RELN: variants seen among roughly 807,000 people sequenced by gnomAD.
RELN encodes reelin.
A neutral mutation model predicts 427.6 loss-of-function variants in RELN; 108 were observed. That is an observed-to-expected ratio of 0.25 (90% confidence interval 0.22 to 0.30). RELN has a LOEUF of 0.30. Ranked by LOEUF, RELN falls within the 10% of genes least tolerant of loss-of-function variation. The pLI is 1.00. For synonymous variants in RELN, 1,524 were observed against 1,513.4 expected, an observed-to-expected ratio of 1.01 and a Z score of -0.16; for missense variants, 3,715 against 4,302.8, an observed-to-expected ratio of 0.86 and a Z score of 3.82.
chr7:103,677,369 C>T (rs924715162), intron 11 of RELN, among the ~76,000 whole-genome samples: 1 of 142,014 alleles, frequency 7.0e-6, no homozygotes, highest in African/African-American at 2.6e-5. Flanking sequence ...ATGTAACAAA[C>T]CTGCACGTTC....
intron 2 of RELN, among the ~76,000 whole-genome samples, chr7:103,856,303 C>T (rs13232747): frequency 0.14 from 21,768 of 151,710 alleles, 1,860 homozygotes; most frequent in East Asian, 0.34. Context: ...ATGGGCTGGG[C>T]GCGGTGGCTC....
At chr7:103,637,704 T>A (rs1408724970) in intron 17 of RELN, among the ~76,000 whole-genome samples, 1 of 152,202 alleles carries the variant, frequency 6.6e-6, no homozygotes, top group Non-Finnish European at 1.5e-5. Context: ...TCACATGTTG[T>A]CTAATGGACT....
chr7:103,622,251 A>G (rs1451158842), intron 20 of RELN, among the ~76,000 whole-genome samples: 1 of 152,216 alleles, frequency 6.6e-6, no homozygotes, highest in Non-Finnish European at 1.5e-5. Context: ...GGACATCAAC[A>G]TGGCATAAGT....
At chr7:103,760,579 A>G (rs1401305157) in intron 4 of RELN, among the ~76,000 whole-genome samples, 2 of 152,130 alleles carry the variant, frequency 1.3e-5, no homozygotes, top group Non-Finnish European at 2.9e-5. Flanking sequence ...AGATGCCTGA[A>G]AATGAATTCA....
chr7:103,624,773 C>T (rs186561941), intron 20 of RELN, among the ~76,000 whole-genome samples: 1 of 151,864 alleles, frequency 6.6e-6, no homozygotes, highest in Non-Finnish European at 1.5e-5. Flanking sequence ...TCATGTTGCT[C>T]TTTTACTTTC....
At chr7:103,769,569 C>T (rs937004807) in intron 4 of RELN, among the ~76,000 whole-genome samples, 18 of 152,176 alleles carry the variant, frequency 1.2e-4, no homozygotes, top group African/African-American at 3.4e-4. Flanking sequence ...AGACAATCCA[C>T]TTCTGTATGA....
intron 1 of RELN, among the ~76,000 whole-genome samples, chr7:103,924,256 T>A (rs1469852364): frequency 6.6e-6 from 1 of 152,180 alleles, no homozygotes; most frequent in Non-Finnish European, 1.5e-5. Flanking sequence ...GCTGTACTAA[T>A]TATTATTACA....
intron 42 of RELN, 102 bp downstream of exon 42, chr7:103,545,022 G>A: frequency 2.4e-6 from 2 of 819,410 alleles, no homozygotes; most frequent in Non-Finnish European, 2.1e-6. Flanking sequence ...AAATAATAAT[G>A]AGATATTAGA....
intron 15 of RELN, 114 bp downstream of exon 15, chr7:103,651,547 G>C: frequency 1.0e-6 from 1 of 968,994 alleles, no homozygotes; most frequent in Non-Finnish European, 1.6e-6. Flanking sequence ...CACTTTTAAA[G>C]AGGTTAGGTT....
chr7:103,739,337 C>T (rs527579821), intron 6 of RELN, among the ~76,000 whole-genome samples: 14 of 152,202 alleles, frequency 9.2e-5, no homozygotes, highest in Non-Finnish European at 1.9e-4. Context: ...TGGTCCCTTA[C>T]ATTCTTCTGA....
chr7:103,904,667 GAAAGA>G (rs1795156750), intron 2 of RELN, among the ~76,000 whole-genome samples: 1 of 152,124 alleles, frequency 6.6e-6, no homozygotes, highest in East Asian at 1.9e-4. Flanking sequence ...TTGCCTAAAG[GAAAGA>G]AAACAAGTGA....
intron 43 of RELN, among the ~76,000 whole-genome samples, chr7:103,540,935 G>C (rs1562880470): frequency 1.3e-5 from 2 of 152,214 alleles, no homozygotes; most frequent in Non-Finnish European, 2.9e-5. Context: ...TCGTTTTTCA[G>C]ATCTCATATT....
intron 3 of RELN, among the ~76,000 whole-genome samples, chr7:103,779,735 T>C (rs879595223): frequency 9.2e-5 from 14 of 152,158 alleles, no homozygotes; most frequent in Non-Finnish European, 1.9e-4. Context: ...TTTTTCCTTC[T>C]TTCTTTCTGT....
intron 6 of RELN, among the ~76,000 whole-genome samples, chr7:103,748,203 T>G (rs1790897017): frequency 6.6e-6 from 1 of 151,810 alleles, no homozygotes; most frequent in Non-Finnish European, 1.5e-5. Flanking sequence ...AAATGTATAT[T>G]TAGGGAAGCA....
chr7:103,974,750 A>G (rs1796836238), intron 1 of RELN, among the ~76,000 whole-genome samples: 1 of 152,198 alleles, frequency 6.6e-6, no homozygotes, highest in South Asian at 2.1e-4. Flanking sequence ...GTTATTACAT[A>G]TCTGTTGAGT....
intron 2 of RELN, among the ~76,000 whole-genome samples, chr7:103,883,851 T>C (rs1794664502): frequency 6.6e-6 from 1 of 152,170 alleles, no homozygotes; most frequent in South Asian, 2.1e-4. Context: ...AAAATGGCCA[T>C]ACTGCCCAAA....
chr7:103,608,034 T>G (rs994451997), intron 22 of RELN, among the ~76,000 whole-genome samples: 2 of 152,238 alleles, frequency 1.3e-5, no homozygotes. Flanking sequence ...AAATATGTGA[T>G]AATGCAGGGA....
At chr7:103,566,491 A>G in intron 32 of RELN, 79 bp from the exon 33 acceptor site, 3 of 1,592,914 alleles carry the variant, frequency 1.9e-6, no homozygotes, top group Non-Finnish European at 2.6e-6. Context: ...GTGATTTTAA[A>G]TCAAATTGTC....
chr7:103,989,255 C>T lies in RELN; in HGVS notation c.102G>A (p.Ser34=). 1 of 1,613,942 alleles carries T rather than the reference C, an allele frequency of 6.2e-7. No individual in the cohort carries two copies. The highest frequency in any genetic ancestry group is 1.1e-5 in the South Asian group (1 of 91,086). ...GGTGGGTGCACAGGAAAAAGAAGGGCGAAAAGCGGGGGTAATAGCCAGCCG... is the reference window on the plus strand; with the variant it reads ...GGTGGGTGCACAGGAAAAAGAAGGGTGAAAAGCGGGGGTAATAGCCAGCCG... ...RAAAGYYPRF[S]PFFFLCTHHG... Residue 34 remains serine (S), a synonymous_variant, in exon 1 of 65, where the codon TCG becomes TCA. Transcript: ENST00000428762. The surrounding 1 kb of genome is among the most constrained non-coding windows in gnomAD (Gnocchi z 4.9).
Sources: gnomAD v4.1 joint callset for allele counts (sites outside exome capture counted in the v4.1 genomes callset) on GRCh38, gnomAD v4.1.1 for gene constraint, Gnocchi (gnomAD v3.1) non-coding constraint, MANE v1.5 for transcripts, NCBI Gene and HGNC (gene_info 2026-07-23, HGNC 2026-07-21) for gene names.